The following EFCAB5 variants were observed in gnomAD, a reference collection of about 807,000 sequenced individuals.
EFCAB5 encodes the protein EF-hand calcium-binding domain-containing protein 5.
A neutral mutation model predicts 167.9 loss-of-function variants in EFCAB5; 131 were observed. That is an observed-to-expected ratio of 0.78 (90% CI 0.68 to 0.90). The LOEUF is 0.90. EFCAB5 is among the 40% of genes least tolerant of loss of function. The pLI, the probability that EFCAB5 is intolerant of heterozygous loss-of-function variation, is 0.00. For synonymous variants in EFCAB5, 574 were observed against 602.8 expected (o/e 0.95, Z 0.70); for missense variants, 1,663 against 1,745.2 (o/e 0.95, Z 0.84).
At chr17:30,078,146 G>A (rs1597777529) in intron 14 of EFCAB5, 69 bp from the exon 15 acceptor site, 1 of 1,489,828 alleles carries the variant, frequency 6.7e-7, no homozygotes, top group East Asian at 2.3e-5. Context: ...CGTAAGAGGA[G>A]AATGAAAATC....
intron 4 of EFCAB5, among the ~76,000 whole-genome samples, chr17:29,989,799 C>G (rs1348265895): frequency 6.6e-6 from 1 of 152,172 alleles, no homozygotes; most frequent in African/African-American, 2.4e-5. Flanking sequence ...GGCCATTGTT[C>G]TATCCAAATT....
chr17:30,046,454 G>T (rs575653774), intron 8 of EFCAB5, among the ~76,000 whole-genome samples: 10 of 152,270 alleles, frequency 6.6e-5, no homozygotes, highest in African/African-American at 2.4e-4. Context: ...TCAAATTGCA[G>T]TCAGAAAACC....
Position 30,054,118 on chromosome 17 carries a change from C to G in EFCAB5, c.2164C>G (p.Pro722Ala). 1 of 1,568,970 alleles carries G rather than the reference C, an allele frequency of 6.4e-7. No individual in the cohort carries two copies. The highest frequency in any genetic ancestry group is 8.6e-7 in the Non-Finnish European group (1 of 1,158,186). Residue 722 changes from proline (P) to alanine (A), a missense_variant, in exon 10 of 23, where the codon CCA becomes GCA. Pro to Ala is a conservative substitution (Grantham distance 27). Coordinates refer to ENST00000394835, the MANE Select transcript of EFCAB5 (RefSeq NM_198529.4). ...FLSSELQEEV[P>A]TLSRKDHFPE... ...GAGTTCTGAACTGCAAGAGGAAGTT[C>G]CAACCTTAAGCAGAAAAGATCACTT...
At chr17:30,073,020 A>G (rs1297710183) in intron 14 of EFCAB5, 1 of 546,090 alleles carries the variant, frequency 1.8e-6, no homozygotes, top group African/African-American at 2.0e-5. Flanking sequence ...TTCACTCTGC[A>G]CTCTGGCTCC....
intron 22 of EFCAB5, among the ~76,000 whole-genome samples, chr17:30,100,849 G>A (rs190698212): frequency 6.6e-6 from 1 of 152,282 alleles, no homozygotes; most frequent in East Asian, 1.9e-4. Context: ...TATTCCAGGT[G>A]TTGCTTGATG....
intron 14 of EFCAB5, chr17:30,074,461 T>G (rs2070827962): frequency 6.6e-6 from 1 of 152,208 alleles, no homozygotes; most frequent in Non-Finnish European, 1.5e-5. Context: ...CTTGAGAGTC[T>G]TAATATGTTG....
At chr17:30,072,491 T>C (rs1199443712) in intron 14 of EFCAB5, among the ~76,000 whole-genome samples, 1 of 152,192 alleles carries the variant, frequency 6.6e-6, no homozygotes, top group African/African-American at 2.4e-5. Context: ...GATAAGTAGC[T>C]AGCATAAAAT....
chr17:29,957,224 T>C (rs952006912), intron 3 of EFCAB5, among the ~76,000 whole-genome samples: 2 of 152,202 alleles, frequency 1.3e-5, no homozygotes, highest in Non-Finnish European at 2.9e-5. Flanking sequence ...GTTTTTGTCT[T>C]TCATTCTGTT....
At chr17:30,105,226 T>C (rs2071432870) in intron 22 of EFCAB5, among the ~76,000 whole-genome samples, 1 of 151,884 alleles carries the variant, frequency 6.6e-6, no homozygotes, top group Non-Finnish European at 1.5e-5. Flanking sequence ...CCGAGCGCGG[T>C]TGCTCACGCC....
At chr17:29,979,502 A>T (rs2068128860) in intron 4 of EFCAB5, among the ~76,000 whole-genome samples, 1 of 152,140 alleles carries the variant, frequency 6.6e-6, no homozygotes. Context: ...TTACTACCAT[A>T]CATATTAACT....
intron 7 of EFCAB5, among the ~76,000 whole-genome samples, chr17:30,015,102 T>C (rs1489874845): frequency 6.6e-6 from 1 of 152,210 alleles, no homozygotes; most frequent in African/African-American, 2.4e-5. Flanking sequence ...AAAATTCTTT[T>C]CTTTAAGAAT....
intron 5 of EFCAB5, among the ~76,000 whole-genome samples, chr17:29,994,385 C>A (rs1345983820): frequency 6.6e-6 from 1 of 151,564 alleles, no homozygotes; most frequent in Non-Finnish European, 1.5e-5. Flanking sequence ...GCCAAAAGTG[C>A]CTTAGCTCCA....
intron 14 of EFCAB5, chr17:30,068,935 T>C: frequency 6.5e-7 from 1 of 1,543,342 alleles, no homozygotes; most frequent in Non-Finnish European, 9.0e-7. Context: ...TGTCCAGATA[T>C]TCATGAGGAC....
intron 19 of EFCAB5, among the ~76,000 whole-genome samples, chr17:30,089,115 G>A (rs552682258): frequency 1.3e-5 from 2 of 151,724 alleles, no homozygotes; most frequent in Admixed American, 6.6e-5. Flanking sequence ...GACAGGCCCC[G>A]GTGTGTGATG....
chr17:29,943,658 C>T lies in EFCAB5; in HGVS notation c.190+9C>T. ...TGAAATCAAATCCCAAGGTAGAGAA[C>T]TAGCCTTTCTCTTATACAATAGAAT... On this transcript the variant is annotated intron_variant, in intron 3 of 22. Transcript: ENST00000394835. The T allele has an allele frequency of 6.4e-7, 1 of 1,561,422 alleles. No individual in the cohort carries two copies. The highest frequency in any genetic ancestry group is 8.7e-7 in the Non-Finnish European group (1 of 1,151,650).
chr17:30,099,091 A>G (rs2071345213), intron 22 of EFCAB5, among the ~76,000 whole-genome samples: 1 of 152,222 alleles, frequency 6.6e-6, no homozygotes, highest in African/African-American at 2.4e-5. Context: ...TGGCTACTGA[A>G]TTATGCCTCC....
At chr17:29,960,930 A>G (rs2067709487) in intron 3 of EFCAB5, among the ~76,000 whole-genome samples, 1 of 152,142 alleles carries the variant, frequency 6.6e-6, no homozygotes, top group South Asian at 2.1e-4. Flanking sequence ...TCCTGGGCTT[A>G]AGCAATCCTC....
intron 3 of EFCAB5, 82 bp from the exon 4 acceptor site, chr17:29,968,709 T>A: frequency 1.7e-6 from 2 of 1,188,284 alleles, no homozygotes; most frequent in Non-Finnish European, 2.3e-6. Context: ...GATATAAAAA[T>A]TTTTTCAAAT....
At chr17:30,039,586 T>C (rs1240805590) in intron 8 of EFCAB5, among the ~76,000 whole-genome samples, 8 of 152,128 alleles carry the variant, frequency 5.3e-5, no homozygotes, top group Admixed American at 5.2e-4. Flanking sequence ...ATACCCCAAG[T>C]TGGAATTTAT....
Sources: allele counts gnomAD v4.1 joint callset (sites outside exome capture counted in the v4.1 genomes callset), GRCh38; gene constraint gnomAD v4.1.1; transcripts MANE v1.5; gene names NCBI Gene and HGNC (gene_info 2026-07-23, HGNC 2026-07-21).